The following PCDHGA6 variants were observed in gnomAD, a reference collection of about 807,000 sequenced individuals.
PCDHGA6 encodes protocadherin gamma subfamily A, 6, also known as protocadherin gamma-A6.
Under a neutral mutation model 60.6 loss-of-function variants are expected in PCDHGA6, and 41 were observed. The observed-to-expected ratio is 0.68, with a 90% CI of 0.53 to 0.88. The LOEUF is 0.88. Ranked by LOEUF, PCDHGA6 falls within the 40% of genes least tolerant of loss-of-function variation. The pLI, the probability that PCDHGA6 is intolerant of heterozygous loss-of-function variation, is 0.00. For synonymous variants in PCDHGA6, 594 were observed against 524.4 expected (o/e 1.13, Z -1.81); for missense variants, 1,312 against 1,203.0 (o/e 1.09, Z -1.34).
chr5:141,493,694 G>A lies in PCDHGA6; in HGVS notation c.2425-1113G>A, dbSNP rs929897875. On this transcript the variant is annotated intron_variant, in intron 1 of 3. Transcript: ENST00000517434. This position sits in a 1 kb window ranked among gnomAD's most constrained non-coding sequence, Gnocchi z 4.3. ...CCCCAGAATGGTGCTGGTGACTCCC[G>A]ATACACCTGGAATGCTAGGTTTCTG... Among the ~76,000 whole-genome samples the A allele has an allele frequency of 5.9e-5, 9 of 152,130 alleles. No individual in the cohort carries two copies. Among genetic ancestry groups the A allele is most frequent in the African/African-American group, 9.7e-5 (4 of 41,404 alleles).
chr5:141,478,049 A>G, intron 1 of PCDHGA6: 2 of 1,614,056 alleles, frequency 1.2e-6, no homozygotes, highest in Middle Eastern at 3.3e-4. Flanking sequence ...GCAGACTCTC[A>G]CGGTCTTGAT....
At chr5:141,421,579 T>A (rs753573473) in intron 1 of PCDHGA6, 1 of 1,613,934 alleles carries the variant, frequency 6.2e-7, no homozygotes, top group Non-Finnish European at 8.5e-7. Flanking sequence ...CTTGAAGATT[T>A]ACGGAGTGGA....
chr5:141,502,250 TA>T (rs2099813542), intron 2 of PCDHGA6, among the ~76,000 whole-genome samples: 1 of 152,242 alleles, frequency 6.6e-6, no homozygotes, highest in African/African-American at 2.4e-5. Flanking sequence ...TCCTTTTTTT[TA>T]ATCCAGGATT....
chr5:141,483,436 C>T, intron 1 of PCDHGA6, among the ~76,000 whole-genome samples: 1 of 152,198 alleles, frequency 6.6e-6, no homozygotes, highest in Non-Finnish European at 1.5e-5. Context: ...GAGCTGACTA[C>T]AATAAAATCA....
At chr5:141,422,318 G>A (rs778935746) in intron 1 of PCDHGA6, 10 of 1,548,110 alleles carry the variant, frequency 6.5e-6, no homozygotes, top group Non-Finnish European at 7.8e-6. Context: ...TCTCCTCCAG[G>A]TACAGTGATT....
At chr5:141,409,036 C>T in intron 1 of PCDHGA6, 1 of 1,614,020 alleles carries the variant, frequency 6.2e-7, no homozygotes, top group Non-Finnish European at 8.5e-7. Context: ...CTGAGATAAA[C>T]TACTACTTCC....
chr5:141,489,579 C>G lies in PCDHGA6; in HGVS notation c.2425-5228C>G, dbSNP rs112808093. 3.7e-6 allele frequency: 6 copies of G among 1,613,922 alleles called. No individual in the cohort carries two copies. The Admixed American group carries it at 5.0e-5, about 13-fold the overall frequency. On this transcript the variant is annotated intron_variant, in intron 1 of 3. Transcript: ENST00000517434. This position sits in a 1 kb window ranked among gnomAD's most constrained non-coding sequence, Gnocchi z 4.5. ...CAGTGCAGGTGGTGACTGAACACCC[C>G]CTGGAGCTAATCCGTGTAGAGGTAG... is the stretch of plus-strand genomic sequence containing the variant.
chr5:141,401,394 T>C (rs1444370873), intron 1 of PCDHGA6, among the ~76,000 whole-genome samples: 1 of 152,158 alleles, frequency 6.6e-6, no homozygotes, highest in Non-Finnish European at 1.5e-5. Context: ...CTACATGTTA[T>C]GTGTATGAGA....
intron 1 of PCDHGA6, chr5:141,403,538 C>T (rs781129314): frequency 1.5e-5 from 24 of 1,613,874 alleles, no homozygotes; most frequent in Non-Finnish European, 1.5e-5. Flanking sequence ...AGAGCTGGTG[C>T]TGGAGCGCGC....
At chr5:141,478,821 A>G (rs72790063) in intron 1 of PCDHGA6, 38,524 of 1,444,166 alleles carry the variant, frequency 0.027, 650 homozygotes, top group East Asian at 0.045. Flanking sequence ...CAACTAACCA[A>G]TCTTGCTAAG....
rs779459928 is a variant in PCDHGA6, at chr5:141,375,433, C to G, written c.1350C>G (p.Pro450=). 39 of 1,613,898 alleles carry G rather than the reference C, an allele frequency of 2.4e-5. No homozygotes were observed. The South Asian group carries it at 4.3e-4, about 18-fold the overall frequency. ...TGGCAGACACCAACGACAACCCGCC[C>G]ACCTTCCCCCATTCATCCTACTCAG... ...LNVADTNDNP[P]TFPHSSYSVY... is the part of the protein sequence containing the mutation. Residue 450 remains proline, a synonymous_variant, in exon 1 of 4, where the codon CCC becomes CCG. Coordinates refer to ENST00000517434, the MANE Select transcript of PCDHGA6 (RefSeq NM_018919.3).
chr5:141,463,125 G>A (rs2099053159), intron 1 of PCDHGA6, among the ~76,000 whole-genome samples: 3 of 152,192 alleles, frequency 2.0e-5, no homozygotes, highest in East Asian at 1.9e-4. Context: ...ATAGCTCCCT[G>A]GCAGTTCTTC....
At chr5:141,402,753 A>G (rs914241458) in intron 1 of PCDHGA6, among the ~76,000 whole-genome samples, 8 of 152,326 alleles carry the variant, frequency 5.3e-5, no homozygotes, top group Admixed American at 5.2e-4. Context: ...CTCTAAGCGA[A>G]AATCAGGACT....
At chr5:141,394,379 T>C in intron 1 of PCDHGA6, 1 of 1,614,160 alleles carries the variant, frequency 6.2e-7, no homozygotes, top group Non-Finnish European at 8.5e-7. Context: ...CTTTCGACTA[T>C]GAGCAGATCC....
At chr5:141,449,920 A>G (rs1287640011) in intron 1 of PCDHGA6, among the ~76,000 whole-genome samples, 1 of 151,842 alleles carries the variant, frequency 6.6e-6, no homozygotes, top group East Asian at 1.9e-4. Context: ...TTTAAATTCT[A>G]CCATACCTTA....
chr5:141,469,762 A>G (rs547099941), intron 1 of PCDHGA6, among the ~76,000 whole-genome samples: 15 of 152,360 alleles, frequency 9.8e-5, no homozygotes, highest in African/African-American at 3.4e-4. Flanking sequence ...ATACATATAT[A>G]CCAGCTTATT....
chr5:141,503,362 G>A (rs565902559), intron 2 of PCDHGA6, among the ~76,000 whole-genome samples: 32 of 152,054 alleles, frequency 2.1e-4, no homozygotes, highest in African/African-American at 6.5e-4. Context: ...TTTGGGAAGC[G>A]GAGGCAGGTG....
intron 1 of PCDHGA6, chr5:141,400,462 G>C: frequency 1.2e-6 from 2 of 1,614,062 alleles, no homozygotes; most frequent in Non-Finnish European, 1.7e-6. Flanking sequence ...ACTTTGTGGT[G>C]ATTCATCTGG....
At chr5:141,403,131 C>A (rs1377543238) in intron 1 of PCDHGA6, 2 of 1,613,916 alleles carry the variant, frequency 1.2e-6, no homozygotes, top group East Asian at 4.5e-5. Context: ...CGGGAGCTGG[C>A]GGAGCGCCGA....
Sources: allele counts gnomAD v4.1 joint callset (sites outside exome capture counted in the v4.1 genomes callset), GRCh38; gene constraint gnomAD v4.1.1; non-coding constraint Gnocchi (gnomAD v3.1); transcripts MANE v1.5; gene names NCBI Gene and HGNC (gene_info 2026-07-23, HGNC 2026-07-21).